SORCS1: variants seen among roughly 807,000 people sequenced by gnomAD.
SORCS1 encodes the protein sortilin related VPS10 domain containing receptor 1.
A neutral mutation model predicts 146.1 loss-of-function variants in SORCS1; 60 were observed. The observed-to-expected ratio is 0.41, with a 90% CI of 0.33 to 0.51. The LOEUF (loss-of-function observed/expected upper bound fraction) is 0.51. SORCS1 is among the 20% of genes least tolerant of loss of function. The pLI, the probability that SORCS1 is intolerant of heterozygous loss-of-function variation, is 0.21. For synonymous variants in SORCS1, 637 were observed against 584.0 expected (o/e 1.09, Z -1.31); for missense variants, 1,352 against 1,487.6 (o/e 0.91, Z 1.50).
At chr10:106,986,904 A>G (rs1271155004) in intron 1 of SORCS1, among the ~76,000 whole-genome samples, 1 of 152,132 alleles carries the variant, frequency 6.6e-6, no homozygotes, top group Non-Finnish European at 1.5e-5. Context: ...TATTTGCAAT[A>G]GTTGCTTTAA....
chr10:106,928,659 A>T (rs1564821117), intron 2 of SORCS1, among the ~76,000 whole-genome samples: 1 of 152,304 alleles, frequency 6.6e-6, no homozygotes, highest in African/African-American at 2.4e-5. Flanking sequence ...TCACCTCTCA[A>T]TACCCCACAG....
At chr10:106,588,666 C>G in intron 24 of SORCS1, among the ~76,000 whole-genome samples, 1 of 151,884 alleles carries the variant, frequency 6.6e-6, no homozygotes, top group East Asian at 1.9e-4. Context: ...TCGAGACCAT[C>G]CTGGCCAACA....
intron 1 of SORCS1, among the ~76,000 whole-genome samples, chr10:107,029,864 ACATAAGC>A (rs1958571332): frequency 6.6e-6 from 1 of 152,172 alleles, no homozygotes; most frequent in African/African-American, 2.4e-5. Flanking sequence ...AGTGTTGAAA[ACATAAGC>A]CACATTCTAG....
chr10:106,694,011 A>G (rs550509970), intron 9 of SORCS1, among the ~76,000 whole-genome samples: 3 of 152,276 alleles, frequency 2.0e-5, no homozygotes, highest in African/African-American at 7.2e-5. Context: ...AGATGAAACA[A>G]CGACTGTGGC....
intron 2 of SORCS1, among the ~76,000 whole-genome samples, chr10:106,931,341 T>C (rs565526541): frequency 6.6e-6 from 1 of 152,194 alleles, no homozygotes; most frequent in Non-Finnish European, 1.5e-5. Flanking sequence ...GGGTTTACAG[T>C]AGCAGTAGGA....
In SORCS1 at chr10:106,809,637, C is replaced by T. The variant is rs143568566; in HGVS notation, c.726+19937G>A. On this transcript the variant is annotated intron_variant, in intron 3 of 25. Transcript: ENST00000263054. ...GGTGGTATCTGGACCATTTATTCTT[C>T]CATTAGTTCTACAGCCTTCACAGAC... 2.7e-3 allele frequency among the ~76,000 whole-genome samples: 409 copies of T among 152,228 alleles called. 4 individuals are homozygous for T. Among genetic ancestry groups the T allele is most frequent in the East Asian group, 0.013 (69 of 5,176 alleles).
intron 5 of SORCS1, among the ~76,000 whole-genome samples, chr10:106,750,756 AAAAAAGAAAAG>A (rs1858122365): frequency 1.6e-5 from 2 of 127,318 alleles, no homozygotes; most frequent in African/African-American, 6.3e-5. Context: ...AAAAAAAAAA[AAAAAAGAAAAG>A]AAAAAGAAAA....
At chr10:106,772,208 C>T (rs1860070917) in intron 4 of SORCS1, among the ~76,000 whole-genome samples, 1 of 152,112 alleles carries the variant, frequency 6.6e-6, no homozygotes, top group South Asian at 2.1e-4. Context: ...GGTGAATTCC[C>T]TCTTTCTTTT....
chr10:107,130,935 A>G (rs1171010375), intron 1 of SORCS1, among the ~76,000 whole-genome samples: 2 of 152,184 alleles, frequency 1.3e-5, no homozygotes, highest in Non-Finnish European at 2.9e-5. Context: ...CCATTAAGCA[A>G]TAACTCCACG....
At chr10:106,696,932 C>A (rs1282063609) in intron 9 of SORCS1, among the ~76,000 whole-genome samples, 1 of 152,084 alleles carries the variant, frequency 6.6e-6, no homozygotes, top group Non-Finnish European at 1.5e-5. Context: ...GAAAATGGAA[C>A]CTGAAAGTCA....
At chr10:106,814,686 G>A (rs964345567) in intron 3 of SORCS1, among the ~76,000 whole-genome samples, 1 of 152,022 alleles carries the variant, frequency 6.6e-6, no homozygotes, top group African/African-American at 2.4e-5. Context: ...AGGCCAAGGC[G>A]GGTGGATCAC....
At chr10:106,890,711 C>T (rs538323278) in intron 2 of SORCS1, among the ~76,000 whole-genome samples, 13 of 152,188 alleles carry the variant, frequency 8.5e-5, no homozygotes, top group East Asian at 3.9e-4. Context: ...TCGTGGCTTA[C>T]GATGTAGAGA....
At chr10:106,578,423 G>A (rs771507852) in intron 25 of SORCS1, 1 of 153,640 alleles carries the variant, frequency 6.5e-6, no homozygotes, top group Non-Finnish European at 1.4e-5. Flanking sequence ...GAAGAAATTT[G>A]CTAATCTGCT....
intron 1 of SORCS1, among the ~76,000 whole-genome samples, chr10:106,976,211 GTTTTTT>G (rs751512315): frequency 7.4e-6 from 1 of 134,360 alleles, no homozygotes; most frequent in Non-Finnish European, 1.6e-5. Context: ...TGCTTCATCT[GTTTTTT>G]TTTTTTTTAA....
At chr10:106,703,499 CCT>C (rs951630120) in intron 8 of SORCS1, among the ~76,000 whole-genome samples, 1 of 152,180 alleles carries the variant, frequency 6.6e-6, no homozygotes, top group Non-Finnish European at 1.5e-5. Context: ...ATTACTTTCC[CCT>C]GTCTGGAGGG....
intron 1 of SORCS1, among the ~76,000 whole-genome samples, chr10:107,086,986 G>A (rs1365457841): frequency 6.6e-6 from 1 of 152,232 alleles, no homozygotes; most frequent in Non-Finnish European, 1.5e-5. Flanking sequence ...CTGAGATCAC[G>A]GCACTGCACT....
chr10:106,647,389 T>TACACACACACAC (rs3044913), intron 18 of SORCS1, among the ~76,000 whole-genome samples: 30,687 of 147,126 alleles, frequency 0.21, 3,337 homozygotes, highest in Non-Finnish European at 0.24. Flanking sequence ...TTATAAATTT[T>TACACACACACAC]ACACACACAC....
At position 106,671,442 on chromosome 10, in the gene SORCS1, G is replaced by C. The variant is rs757267559; in HGVS notation, c.2059-75C>G. ...CTCTGCTCCACATGAGTGACATTTAGGGAGACATTTGCACATCTTAGTGTA... is the reference window on the plus strand; with the variant it reads ...CTCTGCTCCACATGAGTGACATTTACGGAGACATTTGCACATCTTAGTGTA... On this transcript the variant is annotated intron_variant, in intron 15 of 25. Coordinates refer to ENST00000263054, the MANE Select transcript of SORCS1 (RefSeq NM_052918.5). The C allele has an allele frequency of 2.8e-4, 437 of 1,584,964 alleles. 2 individuals are homozygous for C. Among genetic ancestry groups the C allele is most frequent in the Middle Eastern group, 1.0e-3 (6 of 5,846 alleles).
At chr10:106,668,269 T>G (rs772599266) in intron 16 of SORCS1, among the ~76,000 whole-genome samples, 21 of 152,248 alleles carry the variant, frequency 1.4e-4, no homozygotes, top group Non-Finnish European at 2.4e-4. Flanking sequence ...CCAAGAGAAC[T>G]GAGCCAGGTC....
Sources: allele counts gnomAD v4.1 joint callset (sites outside exome capture counted in the v4.1 genomes callset), GRCh38; gene constraint gnomAD v4.1.1; transcripts MANE v1.5; gene names NCBI Gene and HGNC (gene_info 2026-07-23, HGNC 2026-07-21).